The following SLC25A19 variants were observed in gnomAD, a reference collection of about 807,000 sequenced individuals.
SLC25A19 encodes solute carrier family 25 member 19, also known as mitochondrial thiamine pyrophosphate carrier.
Under a neutral mutation model 27.9 loss-of-function variants are expected in SLC25A19, and 18 were observed. The ratio of observed to expected loss-of-function variants is 0.64; its 90% CI spans 0.45 to 0.96. The LOEUF is 0.96. Ranked by LOEUF, SLC25A19 falls within the 40% of genes least tolerant of loss-of-function variation. The probability of loss-of-function intolerance (pLI) is 0.00; values close to 1 mark genes in which losing one functional copy is unlikely to be tolerated. For missense variants in SLC25A19, 371 were observed against 418.3 expected, an observed-to-expected ratio of 0.89 and a Z score of 0.99; for synonymous variants, 169 against 167.1, an observed-to-expected ratio of 1.01 and a Z score of -0.09.
intron 6 of SLC25A19, 41 bp downstream of exon 6, chr17:75,278,111 C>T (rs2077938972): frequency 6.2e-7 from 1 of 1,607,232 alleles, no homozygotes; most frequent in South Asian, 1.1e-5. Flanking sequence ...GTTCTGGTGG[C>T]TGGGGTGGGA....
chr17:75,286,281 TG>T (rs759798538), intron 4 of SLC25A19, 22 bp downstream of exon 4: 10 of 1,612,668 alleles, frequency 6.2e-6, no homozygotes, highest in Non-Finnish European at 8.5e-6. Context: ...CCCAGAGGTC[TG>T]GCCAGGTCCC....
chr17:75,274,078 T>C (rs733301), intron 7 of SLC25A19, among the ~76,000 whole-genome samples: 82,557 of 152,064 alleles, frequency 0.54, 27,203 homozygotes, highest in East Asian at 0.85. Flanking sequence ...AGCAAATAAA[T>C]TAATTTCATT....
At position 75,286,393 on chromosome 17, in the gene SLC25A19, T is replaced by C; in HGVS notation, c.199A>G (p.Arg67Gly). Residue 67 changes from arginine to glycine, a missense_variant, in exon 4 of 8, where the codon AGG (arginine) becomes GGG (glycine). Arg to Gly is a moderately radical substitution (Grantham distance 125). Transcript: ENST00000416858. The part of the protein sequence containing the change: ...AKYHGILQAS[R>G]QILQEEGPTA... The stretch of plus-strand genomic sequence containing the variant: ...GGACCCTCCTCCTGCAGAATCTGCC[T>C]AGAGGCCTGGAGGATGCCATGGTAC... The C allele has an allele frequency of 6.2e-7, 1 of 1,614,130 alleles. No individual in the cohort carries two copies.
chr17:75,280,826 C>T (rs556589108), intron 5 of SLC25A19, among the ~76,000 whole-genome samples: 2 of 151,644 alleles, frequency 1.3e-5, no homozygotes, highest in South Asian at 2.1e-4. Flanking sequence ...GTAGTCCCAG[C>T]TGCTTGGGAG....
At chr17:75,285,265 A>G (rs2078155491) in intron 4 of SLC25A19, among the ~76,000 whole-genome samples, 1 of 151,272 alleles carries the variant, frequency 6.6e-6, no homozygotes, top group Non-Finnish European at 1.5e-5. Context: ...CAGCCAACTG[A>G]AGATGGCCTG....
At chr17:75,288,784 G>C (rs1340602648) in intron 1 of SLC25A19, among the ~76,000 whole-genome samples, 193 bp from the exon 2 acceptor site, 1 of 152,048 alleles carries the variant, frequency 6.6e-6, no homozygotes, top group East Asian at 1.9e-4. Context: ...CTCCACCCCA[G>C]ACATCAATTC....
chr17:75,276,211 G>A (rs550260399), intron 7 of SLC25A19, among the ~76,000 whole-genome samples: 47 of 152,276 alleles, frequency 3.1e-4, no homozygotes, highest in African/African-American at 1.1e-3. Context: ...GGAGGCAGAG[G>A]TTGCAGTGAG....
intron 3 of SLC25A19, 49 bp from the exon 4 acceptor site, chr17:75,286,508 T>C: frequency 6.2e-7 from 1 of 1,613,306 alleles, no homozygotes. Flanking sequence ...GGCTGGAATG[T>C]GAAGGGGAAC....
chr17:75,276,360 C>A (rs943463592), intron 7 of SLC25A19, among the ~76,000 whole-genome samples: 7 of 152,174 alleles, frequency 4.6e-5, no homozygotes, highest in African/African-American at 1.4e-4. Flanking sequence ...TACAGCAAAA[C>A]CCCTTTTCTG....
intron 7 of SLC25A19, 121 bp from the exon 8 acceptor site, chr17:75,273,760 A>T (rs1598173598): frequency 2.3e-6 from 2 of 855,284 alleles, no homozygotes; most frequent in South Asian, 1.5e-5. Context: ...AAAATAGCAA[A>T]TTATTTTATT....
rs902358244 is a variant in SLC25A19, at chr17:75,288,590, G to A, written c.-127C>T. The A allele has an allele frequency of 2.0e-5, 3 of 151,430 alleles. No individual in the cohort carries two copies. Among genetic ancestry groups the A allele is most frequent in the African/African-American group, 7.3e-5 (3 of 41,094 alleles). 9.4% of individuals were successfully genotyped at this position (151,430 alleles called of 1,614,324 possible). The stretch of plus-strand genomic sequence containing the variant: ...GTTGGTAACTGATCACAGGGAGAAG[G>A]GCTGAGAAGGGAAAAAGGAAGGTAG... On this transcript the variant is annotated splice_region_variant and 5_prime_UTR_variant, in exon 2 of 8. Coordinates refer to ENST00000416858, the MANE Select transcript of SLC25A19 (RefSeq NM_001126121.2).
chr17:75,273,628 G>C lies in SLC25A19; in HGVS notation c.786C>G (p.Tyr262Ter). 6.2e-7 allele frequency: 1 copy of C among 1,612,662 alleles called. No homozygotes were observed. Among genetic ancestry groups the C allele is most frequent in the Admixed American group, 1.7e-5 (1 of 60,008 alleles). ...GCTTGGCACAGTCCATGAGGCCCTT[G>C]TATCTCCGTACCTGGGGAGAGGAAA... is the stretch of plus-strand genomic sequence containing the variant. ...ARAAFGQVRR[Y>*]KGLMDCAKQV... The change falls in exon 8 of 8, where the codon TAC becomes TAG. Residue 262 changes from tyrosine to a stop codon, truncating the protein, a stop_gained. Transcript: ENST00000416858. LOFTEE classifies it high-confidence loss of function.
intron 3 of SLC25A19, 53 bp downstream of exon 3, chr17:75,286,580 A>G: frequency 6.2e-7 from 1 of 1,614,132 alleles, no homozygotes; most frequent in Non-Finnish European, 8.5e-7. Flanking sequence ...TGCTTTTGCA[A>G]GAAAGACTGA....
chr17:75,284,022 G>C (rs528728593), intron 4 of SLC25A19, among the ~76,000 whole-genome samples: 4 of 149,578 alleles, frequency 2.7e-5, no homozygotes, highest in Non-Finnish European at 5.9e-5. Context: ...GCTGAGGCAG[G>C]AGAATCACTT....
At chr17:75,276,985 GAT>G (rs1397093380) in intron 7 of SLC25A19, among the ~76,000 whole-genome samples, 2 of 149,634 alleles carry the variant, frequency 1.3e-5, no homozygotes, top group African/African-American at 2.4e-5. Context: ...GCCCGGCCAG[GAT>G]ATGTTTTAAG....
At position 75,283,607 on chromosome 17, in the gene SLC25A19, T is replaced by C. The variant is rs781017271; in HGVS notation, c.289-14A>G. The C allele has an allele frequency of 6.2e-7, 1 of 1,612,018 alleles. No individual in the cohort carries two copies. The highest frequency in any genetic ancestry group is 8.5e-7 in the Non-Finnish European group (1 of 1,178,998). On this transcript the variant is annotated splice_polypyrimidine_tract_variant and intron_variant, in intron 4 of 7. Coordinates refer to ENST00000416858, the MANE Select transcript of SLC25A19 (RefSeq NM_001126121.2). Reference sequence around the variant, plus strand: ...AAATGACAAGAACTGCAAGAGTAAGTGAAGAAGTCACCGACAGCCCAAAGG... The same window carrying C: ...AAATGACAAGAACTGCAAGAGTAAGCGAAGAAGTCACCGACAGCCCAAAGG...
chr17:75,275,971 A>C (rs889079001), intron 7 of SLC25A19, among the ~76,000 whole-genome samples: 2 of 146,792 alleles, frequency 1.4e-5, no homozygotes, highest in Non-Finnish European at 3.0e-5. Flanking sequence ...ACTCCGTCTC[A>C]AAAAATATAT....
chr17:75,286,862 A>G (rs1222153090), intron 2 of SLC25A19, 60 bp from the exon 3 acceptor site: 6 of 1,500,440 alleles, frequency 4.0e-6, no homozygotes, highest in Non-Finnish European at 5.5e-6. Context: ...CTGCTCAAAT[A>G]TCACCTCCTC....
intron 2 of SLC25A19, 131 bp downstream of exon 2, chr17:75,288,369 ACT>A (rs1598201090): frequency 6.6e-6 from 1 of 151,514 alleles, no homozygotes; most frequent in East Asian, 1.9e-4. Context: ...ATACAGCCCC[ACT>A]CTCAGCCCCT....
Sources: gnomAD v4.1 joint callset for allele counts (sites outside exome capture counted in the v4.1 genomes callset) on GRCh38, gnomAD v4.1.1 for gene constraint, MANE v1.5 for transcripts, NCBI Gene and HGNC (gene_info 2026-07-23, HGNC 2026-07-21) for gene names.